The following PLCE1 variants were observed in gnomAD, a reference collection of about 807,000 sequenced individuals.
The protein encoded by PLCE1 is phospholipase C epsilon 1.
Under a neutral mutation model 242.8 loss-of-function variants are expected in PLCE1, and 119 were observed. The observed-to-expected ratio is 0.49, with a 90% confidence interval of 0.42 to 0.57. The LOEUF is 0.57. Ranked by LOEUF, PLCE1 falls within the 20% of genes least tolerant of loss-of-function variation. PLCE1 has a pLI of 0.00. For missense variants in PLCE1, 2,441 were observed against 2,788.8 expected, an observed-to-expected ratio of 0.88 and a Z score of 2.81; for synonymous variants, 945 against 1,017.4, an observed-to-expected ratio of 0.93 and a Z score of 1.35.
rs1303008610 is a variant in PLCE1, at chr10:94,284,975, G to A, written c.5035+10G>A. 8 of 1,430,340 alleles carry A rather than the reference G, an allele frequency of 5.6e-6. No homozygotes were observed. The highest frequency in any genetic ancestry group is 7.9e-6 in the Non-Finnish European group (8 of 1,013,632). 88.6% of individuals were successfully genotyped at this position (1,430,340 alleles called of 1,614,324 possible). A position where few individuals can be genotyped will look rare whatever the true frequency, so the allele number is the denominator to read the frequency against. On this transcript the variant is annotated intron_variant, in intron 22 of 32. Transcript: ENST00000371380. ...GCAGTAAAATTTCCAGGTAAGATTA[G>A]GCAATATCATCTATAACTTTTAAAG...
At chr10:94,310,982 T>C (rs187008302) in intron 27 of PLCE1, among the ~76,000 whole-genome samples, 210 of 152,226 alleles carry the variant, frequency 1.4e-3, no homozygotes, top group Non-Finnish European at 1.7e-3. Context: ...ATTCAAGAGT[T>C]TGCTAGAATG....
chr10:94,242,022 A>G (rs1027280818), intron 7 of PLCE1, among the ~76,000 whole-genome samples: 2 of 152,148 alleles, frequency 1.3e-5, no homozygotes, highest in African/African-American at 4.8e-5. Context: ...AGTGAGGCTC[A>G]GAGAGGTTGA....
chr10:94,089,653 G>GT (rs1456045310), intron 2 of PLCE1, among the ~76,000 whole-genome samples: 2 of 152,080 alleles, frequency 1.3e-5, no homozygotes, highest in African/African-American at 4.8e-5. Context: ...ATCTCGATAG[G>GT]TATCCTGAGA....
intron 2 of PLCE1, chr10:94,105,623 C>G (rs2045700526): frequency 6.6e-6 from 1 of 152,180 alleles, no homozygotes; most frequent in African/African-American, 2.4e-5. Context: ...CTCACTCCCA[C>G]TCATGTATCC....
chr10:94,155,365 A>T (rs2047399570), intron 3 of PLCE1, among the ~76,000 whole-genome samples: 1 of 152,240 alleles, frequency 6.6e-6, no homozygotes, highest in African/African-American at 2.4e-5. Flanking sequence ...ATGCTAAGTG[A>T]AAGAAGCCAG....
At position 94,258,895 on chromosome 10, in the gene PLCE1, A is replaced by T; in HGVS notation, c.3650A>T (p.Glu1217Val). 1 of 1,614,050 alleles carries T rather than the reference A, an allele frequency of 6.2e-7. No individual in the cohort carries two copies. The change falls in exon 12 of 33, where the codon GAA becomes GTA. Residue 1217 changes from glutamate to valine, a missense_variant. Coordinates refer to ENST00000371380, the MANE Select transcript of PLCE1 (RefSeq NM_016341.4). ...TCAGATAGCAACATGAGTTTTGTTG[A>T]ATTTGTTGAGCTGTTCAAATCATTC... is the stretch of plus-strand genomic sequence containing the variant. ...MVSDSNMSFVEFVELFKSFSV... is the reference protein window; with the variant it reads ...MVSDSNMSFVVFVELFKSFSV...
At chr10:94,116,875 G>A (rs2046148785) in intron 2 of PLCE1, among the ~76,000 whole-genome samples, 2 of 152,262 alleles carry the variant, frequency 1.3e-5, no homozygotes, top group South Asian at 4.2e-4. Flanking sequence ...TTGGAAAGGA[G>A]CAATTTGGAG....
chr10:94,170,769 C>T (rs1476278536), intron 3 of PLCE1, among the ~76,000 whole-genome samples: 1 of 152,204 alleles, frequency 6.6e-6, no homozygotes, highest in Non-Finnish European at 1.5e-5. Flanking sequence ...TTCTTCACCA[C>T]ACAGCCTTCT....
chr10:94,074,521 G>A (rs1446184143), intron 2 of PLCE1, among the ~76,000 whole-genome samples: 2 of 152,126 alleles, frequency 1.3e-5, no homozygotes, highest in Non-Finnish European at 2.9e-5. Context: ...GTTGATCAGA[G>A]TTGGCATGCA....
At chr10:94,018,308 C>T (rs75390525) in intron 1 of PLCE1, among the ~76,000 whole-genome samples, 52 of 152,232 alleles carry the variant, frequency 3.4e-4, no homozygotes, top group Middle Eastern at 3.4e-3. Context: ...GCCAGGCTTC[C>T]GAAATGTGCT....
chr10:94,296,468 T>A lies in PLCE1; in HGVS notation c.5168-1911T>A, dbSNP rs538679512. Among the ~76,000 whole-genome samples, 84 of 152,316 alleles carry A rather than the reference T, an allele frequency of 5.5e-4. 1 individual carries two copies. The highest frequency in any genetic ancestry group is 1.9e-3 in the African/African-American group (79 of 41,568). On this transcript the variant is annotated intron_variant, in intron 23 of 32. Transcript: ENST00000371380. ...CTTACTGTAGCTTCTCCATCAGTACTTGCTGATATTATGTTATGGAGATGA... is the reference window on the plus strand; with the variant it reads ...CTTACTGTAGCTTCTCCATCAGTACATGCTGATATTATGTTATGGAGATGA...
At position 94,031,246 on chromosome 10, in the gene PLCE1, G is replaced by A. The variant is rs2061550877; in HGVS notation, c.200G>A (p.Ser67Asn). 1 of 1,613,690 alleles carries A rather than the reference G, an allele frequency of 6.2e-7. No individual in the cohort carries two copies. Among genetic ancestry groups the A allele is most frequent in the Non-Finnish European group, 8.5e-7 (1 of 1,179,858 alleles). Reference sequence around the variant, plus strand: ...AAACTTAAAGAAGAACCTTCTGGAAGCAACTTGCCAAAGATTCTCTCAATA... The same window carrying A: ...AAACTTAAAGAAGAACCTTCTGGAAACAACTTGCCAAAGATTCTCTCAATA... ...LNKLKEEPSG[S>N]NLPKILSIAR... The change falls in exon 2 of 33, where the codon AGC becomes AAC. Residue 67 changes from serine (S) to asparagine (N), a missense_variant. This residue lies in a region of PLCE1 where 393 missense variants were observed against 378.5 expected (regional missense o/e 1.04). Coordinates refer to ENST00000371380, the MANE Select transcript of PLCE1 (RefSeq NM_016341.4).
intron 4 of PLCE1, among the ~76,000 whole-genome samples, chr10:94,193,090 G>T (rs904131171): frequency 6.6e-6 from 1 of 152,116 alleles, no homozygotes; most frequent in African/African-American, 2.4e-5. Flanking sequence ...GCTCACAAAG[G>T]CTAAAATACT....
At chr10:94,102,417 T>C (rs1048941361) in intron 2 of PLCE1, among the ~76,000 whole-genome samples, 2 of 152,284 alleles carry the variant, frequency 1.3e-5, no homozygotes, top group Admixed American at 6.5e-5. Context: ...ATAAGCAACA[T>C]TGAGTATTAT....
intron 1 of PLCE1, among the ~76,000 whole-genome samples, chr10:94,010,314 C>T (rs1427392583): frequency 6.6e-6 from 1 of 152,218 alleles, no homozygotes; most frequent in Non-Finnish European, 1.5e-5. Context: ...AGGGTCTGGC[C>T]TCTGAAACCA....
At chr10:94,020,554 G>A (rs541798525) in intron 1 of PLCE1, among the ~76,000 whole-genome samples, 33 of 151,986 alleles carry the variant, frequency 2.2e-4, no homozygotes, top group African/African-American at 6.8e-4. Context: ...TTCCAATATT[G>A]TAAAAATTTT....
chr10:94,034,066 A>G (rs2061616636), intron 2 of PLCE1, among the ~76,000 whole-genome samples: 2 of 152,136 alleles, frequency 1.3e-5, no homozygotes, highest in African/African-American at 4.8e-5. Context: ...GAAGAGGAGC[A>G]AAGACATGTC....
rs753807448 is a variant in PLCE1, at chr10:94,060,173, G to GTT, written c.1206+27932_1206+27933dup. Among the ~76,000 whole-genome samples, 204 of 144,638 alleles carry GTT rather than the reference G, an allele frequency of 1.4e-3. 2 individuals carry two copies. The highest frequency in any genetic ancestry group is 4.2e-3 in the African/African-American group (165 of 39,696). The allele number at this position is 144,638 out of a possible 152,430, so 94.9% of individuals were successfully genotyped here. A position where few individuals can be genotyped will look rare whatever the true frequency, so the allele number is the denominator to read the frequency against. The stretch of plus-strand genomic sequence containing the variant: ...CTTGCTACATGCTGGTCTTGGTCAA[G>GTT]TTTTTTTTTTTTGTCTAAGCTTCTG... On this transcript the variant is annotated intron_variant, in intron 2 of 32. Transcript: ENST00000371380.
At chr10:94,322,126 G>A (rs2053831310) in intron 30 of PLCE1, 67 bp downstream of exon 30, 1 of 1,405,158 alleles carries the variant, frequency 7.1e-7, no homozygotes, top group South Asian at 1.2e-5. Flanking sequence ...AAATGTCTGT[G>A]CACTGATGGC....
Sources: allele counts gnomAD v4.1 joint callset (sites outside exome capture counted in the v4.1 genomes callset), GRCh38; gene constraint gnomAD v4.1.1; regional missense constraint gnomAD v4.1.1; transcripts MANE v1.5; gene names NCBI Gene and HGNC (gene_info 2026-07-23, HGNC 2026-07-21).